BIN2: variants seen among roughly 807,000 people sequenced by gnomAD.
BIN2 encodes the protein bridging integrator 2, also known as breast cancer associated protein BRAP1.
A neutral mutation model predicts 67.9 loss-of-function variants in BIN2; 43 were observed. That is an observed-to-expected ratio of 0.63 (90% CI 0.50 to 0.82). The LOEUF (loss-of-function observed/expected upper bound fraction) is 0.82, where lower values mean the gene tolerates loss of function less well. Among genes scored for constraint, BIN2 ranks in the 40% least tolerant of loss-of-function variants. BIN2 has a pLI of 0.00. For missense variants in BIN2, 581 were observed against 671.6 expected (o/e 0.87, Z 1.49); for synonymous variants, 244 against 246.8 (o/e 0.99, Z 0.11).
chr12:51,283,001 C>T (rs1441229091), intron 12 of BIN2, among the ~76,000 whole-genome samples: 1 of 151,658 alleles, frequency 6.6e-6, no homozygotes, highest in Non-Finnish European at 1.5e-5. Context: ...GTAATCCCAG[C>T]ATCCCAGCAC....
chr12:51,320,934 A>AACACACACACACAC (rs768513597), intron 1 of BIN2, among the ~76,000 whole-genome samples: 1 of 39,090 alleles, frequency 2.6e-5, no homozygotes, highest in South Asian at 6.4e-4. Flanking sequence ...TATCATACTA[A>AACACACACACACAC]AAACACACAC....
intron 1 of BIN2, among the ~76,000 whole-genome samples, chr12:51,321,586 A>T (rs1946284969): frequency 6.6e-6 from 1 of 151,954 alleles, no homozygotes; most frequent in African/African-American, 2.4e-5. Context: ...TTTAGTAGAG[A>T]CGGGGTTTCT....
intron 10 of BIN2, among the ~76,000 whole-genome samples, 186 bp from the exon 11 acceptor site, chr12:51,288,374 C>T (rs1202789940): frequency 1.3e-5 from 2 of 152,148 alleles, no homozygotes; most frequent in African/African-American, 4.8e-5. Flanking sequence ...ACACTTCTCC[C>T]GGATATACAC....
At position 51,299,588 on chromosome 12, in the gene BIN2, G is replaced by C; in HGVS notation, c.516+19C>G. On this transcript the variant is annotated intron_variant, in intron 6 of 12. Coordinates refer to ENST00000615107, the MANE Select transcript of BIN2 (RefSeq NM_016293.4). ...GAACAGGAAGGGTTTACCAGTTTTT[G>C]TTGTTGTTTTTGTTTTACCTTGGCA... 6.2e-7 allele frequency: 1 copy of C among 1,608,362 alleles called. No individual in the cohort carries two copies. Among genetic ancestry groups the C allele is most frequent in the Non-Finnish European group, 8.5e-7 (1 of 1,175,136 alleles).
intron 4 of BIN2, 73 bp downstream of exon 4, chr12:51,302,613 G>T: frequency 7.9e-7 from 1 of 1,273,018 alleles, no homozygotes; most frequent in Non-Finnish European, 1.1e-6. Flanking sequence ...TTCTTGGATA[G>T]AGAAGCTAAG....
At position 51,323,502 on chromosome 12, in the gene BIN2, A is replaced by G. The variant is rs541212838; in HGVS notation, c.81+520T>C. On this transcript the variant is annotated intron_variant, in intron 1 of 12. Transcript: ENST00000615107. ...GGCTCCTGCTTACGTCAGCTGAAAC[A>G]CCACCCAGAGGCCAGGCAGGGTCAG... 4.0e-5 allele frequency among the ~76,000 whole-genome samples: 6 copies of G among 150,562 alleles called. 1 individual carries two copies. In the South Asian group the frequency reaches 1.0e-3, roughly 26 times the overall value.
chr12:51,303,019 T>C, intron 3 of BIN2, 68 bp downstream of exon 3: 2 of 1,548,650 alleles, frequency 1.3e-6, no homozygotes, highest in South Asian at 2.2e-5. Flanking sequence ...ATGGCTATTG[T>C]TTTCCACCCC....
chr12:51,303,260 T>C, intron 2 of BIN2, 119 bp from the exon 3 acceptor site: 1 of 1,028,516 alleles, frequency 9.7e-7, no homozygotes, highest in Non-Finnish European at 1.5e-6. Flanking sequence ...CTCTAAATAT[T>C]CACAATTGTT....
chr12:51,317,716 C>T (rs1358397794), intron 1 of BIN2, among the ~76,000 whole-genome samples: 3 of 151,868 alleles, frequency 2.0e-5, no homozygotes, highest in Admixed American at 6.6e-5. Flanking sequence ...AGGCCGGGAG[C>T]GGTGGCTCAC....
At chr12:51,310,839 TA>T (rs1044016371) in intron 2 of BIN2, among the ~76,000 whole-genome samples, 1 of 149,788 alleles carries the variant, frequency 6.7e-6, no homozygotes, top group Non-Finnish European at 1.5e-5. Context: ...AAGCTCACTG[TA>T]GCCTCGACCT....
intron 11 of BIN2, among the ~76,000 whole-genome samples, chr12:51,285,471 A>T (rs1048695967): frequency 3.3e-4 from 50 of 152,178 alleles, no homozygotes; most frequent in African/African-American, 1.1e-3. Context: ...TATAAATTTT[A>T]AAAAAAAGAA....
At chr12:51,287,328 GT>G (rs1001833204) in intron 11 of BIN2, among the ~76,000 whole-genome samples, 2 of 145,602 alleles carry the variant, frequency 1.4e-5, no homozygotes, top group Middle Eastern at 3.6e-3. Flanking sequence ...AGGAAAAGTT[GT>G]TTTTTTTTGT....
At chr12:51,282,858 C>T (rs906744611) in intron 12 of BIN2, among the ~76,000 whole-genome samples, 2 of 151,890 alleles carry the variant, frequency 1.3e-5, no homozygotes, top group Non-Finnish European at 2.9e-5. Flanking sequence ...CCTGCCTCAG[C>T]CTCCCAAAGT....
At chr12:51,287,244 G>A (rs1474728512) in intron 11 of BIN2, among the ~76,000 whole-genome samples, 1 of 152,102 alleles carries the variant, frequency 6.6e-6, no homozygotes, top group African/African-American at 2.4e-5. Context: ...TCGAACACCT[G>A]GGCTCAAGTG....
chr12:51,284,667 AC>A, intron 12 of BIN2, 48 bp downstream of exon 12: 1 of 1,445,228 alleles, frequency 6.9e-7, no homozygotes, highest in Non-Finnish European at 9.7e-7. Flanking sequence ...CTTTTCCCAA[AC>A]CCCTGTCAAT....
At chr12:51,308,223 T>C (rs748735458) in intron 2 of BIN2, among the ~76,000 whole-genome samples, 5 of 152,172 alleles carry the variant, frequency 3.3e-5, no homozygotes. Flanking sequence ...GAAACTTGAC[T>C]TTACCACCAA....
At chr12:51,313,753 G>T in intron 2 of BIN2, 70 bp downstream of exon 2, 1 of 1,373,968 alleles carries the variant, frequency 7.3e-7, no homozygotes, top group Non-Finnish European at 1.0e-6. Context: ...AGAACTTATT[G>T]TTCTTCTGCC....
intron 11 of BIN2, among the ~76,000 whole-genome samples, chr12:51,285,091 G>C (rs947041880): frequency 2.0e-5 from 3 of 152,120 alleles, no homozygotes; most frequent in Admixed American, 2.0e-4. Context: ...GACATGGTGT[G>C]GATGTGTATC....
Position 51,281,510 on chromosome 12 carries a change from G to A in BIN2, c.1687C>T (p.Pro563Ser). 1.2e-6 allele frequency: 2 copies of A among 1,614,104 alleles called. No homozygotes were observed. The highest frequency in any genetic ancestry group is 1.3e-5 in the African/African-American group (1 of 75,018). Residue 563 changes from proline to serine, a missense_variant, in exon 13 of 13, where the codon CCA (proline) becomes TCA (serine). Coordinates refer to ENST00000615107, the MANE Select transcript of BIN2 (RefSeq NM_016293.4). ...TTGGTAGTTTCTCTTCAGAGTTGTG[G>A]ATTTTCACTTGTGGATACCTGGAAA... The part of the protein sequence containing the change: ...PQEEVSTSEN[P>S]QL
Sources: gnomAD v4.1 joint callset for allele counts (sites outside exome capture counted in the v4.1 genomes callset) on GRCh38, gnomAD v4.1.1 for gene constraint, MANE v1.5 for transcripts, NCBI Gene and HGNC (gene_info 2026-07-23, HGNC 2026-07-21) for gene names.